Variants in SNAPC3 observed in about 807,000 individuals in gnomAD.
SNAPC3 encodes the protein small nuclear RNA activating complex polypeptide 3.
In SNAPC3, 56 loss-of-function variants were observed where a neutral mutation model predicts 47.7. The observed-to-expected ratio is 1.18, with a 90% confidence interval of 0.95 to 1.47. SNAPC3 has a LOEUF of 1.47. Among genes scored for constraint, SNAPC3 ranks in the 40% most tolerant of loss-of-function variants. The pLI, the probability that SNAPC3 is intolerant of heterozygous loss-of-function variation, is 0.00. For synonymous variants in SNAPC3, 235 were observed against 189.9 expected (o/e 1.24, Z -1.95); for missense variants, 665 against 511.3 (o/e 1.30, Z -2.90).
At chr9:15,432,775 A>G (rs1344422638) in intron 2 of SNAPC3, among the ~76,000 whole-genome samples, 1 of 152,244 alleles carries the variant, frequency 6.6e-6, no homozygotes, top group African/African-American at 2.4e-5. Flanking sequence ...ATAAATGTAG[A>G]AGAAAGTAAA....
At chr9:15,466,359 C>A (rs1165403188), downstream of SNAPC3, among the ~76,000 whole-genome samples, 1 of 150,892 alleles carries the variant, frequency 6.6e-6, no homozygotes, top group Non-Finnish European at 1.5e-5. Flanking sequence ...GCCTGAGCAA[C>A]AAGAGTGAAA....
intron 3 of SNAPC3, among the ~76,000 whole-genome samples, chr9:15,439,766 T>A (rs2033158064): frequency 6.6e-6 from 1 of 152,154 alleles, no homozygotes; most frequent in African/African-American, 2.4e-5. Context: ...ACTCCTAACC[T>A]CAAGTGATCC....
chr9:15,465,032 T>TA, downstream of SNAPC3: 1 of 221,888 alleles, frequency 4.5e-6, no homozygotes, highest in South Asian at 1.8e-4. Context: ...AGGGAGTGAG[T>TA]ACTTGTATAG....
At chr9:15,428,611 A>G (rs2131749000) in intron 2 of SNAPC3, among the ~76,000 whole-genome samples, 1 of 152,274 alleles carries the variant, frequency 6.6e-6, no homozygotes, top group Middle Eastern at 3.4e-3. Flanking sequence ...CTTGGCTTAG[A>G]ATTTTTAAAA....
chr9:15,459,723 G>GTGACGAAC lies in SNAPC3; in HGVS notation c.1094_1101dup (p.Asn368Ter). On this transcript the variant is annotated frameshift_variant, in exon 9 of 9. Coordinates refer to ENST00000380821, the MANE Select transcript of SNAPC3 (RefSeq NM_001039697.2). LOFTEE classifies it high-confidence loss of function. ...TTCTTTTTTTAAAAACTACAGATGG[G>GTGACGAAC]TGACGAACAATGACAGTTTTGCACC... 1 of 1,612,134 alleles carries GTGACGAAC rather than the reference G, an allele frequency of 6.2e-7. No individual in the cohort carries two copies. The highest frequency in any genetic ancestry group is 8.5e-7 in the Non-Finnish European group (1 of 1,179,118).
intron 3 of SNAPC3, among the ~76,000 whole-genome samples, chr9:15,438,546 G>A (rs1337937866): frequency 1.3e-5 from 2 of 151,538 alleles, no homozygotes; most frequent in African/African-American, 4.9e-5. Context: ...TCTAGTTATT[G>A]AGATTGTTCT....
intron 3 of SNAPC3, among the ~76,000 whole-genome samples, chr9:15,439,152 A>C (rs2033095850): frequency 6.6e-6 from 1 of 151,964 alleles, no homozygotes; most frequent in South Asian, 2.1e-4. Context: ...CAGGACTGTA[A>C]ACTTGCGCCA....
intron 7 of SNAPC3, among the ~76,000 whole-genome samples, chr9:15,456,857 A>G (rs1273281708): frequency 1.3e-5 from 2 of 152,220 alleles, no homozygotes; most frequent in African/African-American, 4.8e-5. Context: ...TTTATCTTAC[A>G]GGTGGATTTA....
At chr9:15,435,629 G>A (rs963030585) in intron 3 of SNAPC3, among the ~76,000 whole-genome samples, 1 of 151,642 alleles carries the variant, frequency 6.6e-6, no homozygotes, top group Non-Finnish European at 1.5e-5. Flanking sequence ...TACTCTGGAG[G>A]CTGGCAGGAC....
chr9:15,437,867 A>T (rs185635843), intron 3 of SNAPC3, among the ~76,000 whole-genome samples: 12 of 152,322 alleles, frequency 7.9e-5, no homozygotes, highest in East Asian at 1.9e-4. Flanking sequence ...GCCTTTTCAT[A>T]TGCTTCTGAA....
At chr9:15,438,332 T>C (rs900888628) in intron 3 of SNAPC3, among the ~76,000 whole-genome samples, 1 of 152,178 alleles carries the variant, frequency 6.6e-6, no homozygotes, top group Admixed American at 6.5e-5. Context: ...ACGTCTCCAC[T>C]TTTACTTCTC....
At chr9:15,428,111 CAAAAAAA>C (rs34074367) in intron 2 of SNAPC3, among the ~76,000 whole-genome samples, 1 of 73,016 alleles carries the variant, frequency 1.4e-5, no homozygotes, top group African/African-American at 5.4e-5. Flanking sequence ...ACTCTGTCTC[CAAAAAAA>C]AAAAAAAAAA....
intron 7 of SNAPC3, among the ~76,000 whole-genome samples, chr9:15,456,220 G>C (rs1293497851): frequency 6.6e-6 from 1 of 151,966 alleles, no homozygotes. Flanking sequence ...ATGTTGGCCA[G>C]GCTGGTGTCG....
chr9:15,465,106 C>G (rs1426717914), downstream of SNAPC3: 1 of 230,630 alleles, frequency 4.3e-6, no homozygotes, highest in Admixed American at 5.7e-5. Context: ...AGTGAAAAGA[C>G]AGTCTGGTAA....
chr9:15,444,849 T>C (rs967557195), intron 4 of SNAPC3, 143 bp downstream of exon 4: 36 of 499,700 alleles, frequency 7.2e-5, no homozygotes, highest in African/African-American at 3.0e-4. Context: ...CTCAGCACTT[T>C]GGGAGGCCAA....
At chr9:15,465,046 T>C (rs2035519971), downstream of SNAPC3, 1 of 223,752 alleles carries the variant, frequency 4.5e-6, no homozygotes, top group East Asian at 6.7e-5. Flanking sequence ...TGTATAGAAG[T>C]AACATTTTAT....
chr9:15,449,032 ACTC>A (rs972906256), intron 5 of SNAPC3, among the ~76,000 whole-genome samples: 18 of 151,844 alleles, frequency 1.2e-4, no homozygotes, highest in African/African-American at 4.3e-4. Context: ...CTGGTGTCGA[ACTC>A]CTGACTTCAG....
At chr9:15,453,405 T>C in intron 7 of SNAPC3, 200 bp downstream of exon 7, 1 of 461,362 alleles carries the variant, frequency 2.2e-6, no homozygotes, top group Non-Finnish European at 3.8e-6. Flanking sequence ...TTGTTCATTA[T>C]TTTGGAAAAT....
intron 3 of SNAPC3, among the ~76,000 whole-genome samples, chr9:15,441,938 C>T (rs1344226674): frequency 2.0e-5 from 3 of 152,176 alleles, no homozygotes; most frequent in Non-Finnish European, 4.4e-5. Context: ...GGCGGCCGGG[C>T]AGAGGAGCTC....
Sources: allele counts gnomAD v4.1 joint callset (sites outside exome capture counted in the v4.1 genomes callset), GRCh38; gene constraint gnomAD v4.1.1; transcripts MANE v1.5; gene names NCBI Gene and HGNC (gene_info 2026-07-23, HGNC 2026-07-21).